Variants in CYBA observed in about 807,000 individuals in gnomAD.
The protein encoded by CYBA is cytochrome b-245 light chain.
A neutral mutation model predicts 20.8 loss-of-function variants in CYBA; 21 were observed. The observed-to-expected ratio is 1.01, with a 90% CI of 0.72 to 1.46. The LOEUF is 1.46. Ranked by LOEUF, CYBA falls within the 40% of genes most tolerant of loss-of-function variation. The pLI, the probability that CYBA is intolerant of heterozygous loss-of-function variation, is 0.00. For missense variants in CYBA, 344 were observed against 287.0 expected (o/e 1.20, Z -1.43); for synonymous variants, 164 against 127.5 (o/e 1.29, Z -1.93).
chr16:88,648,317 G>C (rs1469835041), intron 1 of CYBA, among the ~76,000 whole-genome samples: 1 of 152,202 alleles, frequency 6.6e-6, no homozygotes, highest in Non-Finnish European at 1.5e-5. Flanking sequence ...ACGGGCTGGC[G>C]GAGGGGGTGC....
At chr16:88,648,536 C>T (rs973964121) in intron 1 of CYBA, among the ~76,000 whole-genome samples, 3 of 151,950 alleles carry the variant, frequency 2.0e-5, no homozygotes, top group African/African-American at 4.8e-5. Context: ...AACCCGTCAG[C>T]GGTTTTGCCT....
Position 88,646,758 on chromosome 16 carries a change from A to T in CYBA, c.284T>A (p.Leu95His). Residue 95 changes from leucine to histidine, a missense_variant, in exon 4 of 6, where the codon CTC becomes CAC. Transcript: ENST00000261623. ...RNYYVRAVLH[L>H]LLSVPAGFLL... ...GGGGTGCGGGACGGGGACTCACAGGAGATGCAGGACGGCCCGAACATAGTA... is the reference window on the plus strand; with the variant it reads ...GGGGTGCGGGACGGGGACTCACAGGTGATGCAGGACGGCCCGAACATAGTA... 1 of 1,613,508 alleles carries T rather than the reference A, an allele frequency of 6.2e-7. No individual in the cohort carries two copies. Among genetic ancestry groups the T allele is most frequent in the Non-Finnish European group, 8.5e-7 (1 of 1,179,612 alleles).
At chr16:88,650,040 C>G in intron 1 of CYBA, among the ~76,000 whole-genome samples, 1 of 152,188 alleles carries the variant, frequency 6.6e-6, no homozygotes, top group East Asian at 1.9e-4. Flanking sequence ...CCAGCCCTCC[C>G]ACCCTGAGGT....
chr16:88,643,693 T>C lies in CYBA; in HGVS notation c.370-122A>G. ...GCTCAAGTCTGAATCCCACGCAGGA[T>C]GGTGTGACTGCCACTCAGAGAGGTT... On this transcript the variant is annotated intron_variant, in intron 5 of 5. Coordinates refer to ENST00000261623, the MANE Select transcript of CYBA (RefSeq NM_000101.4). The surrounding 1 kb of genome is among the most constrained non-coding windows in gnomAD (Gnocchi z 4.3). 6 of 922,688 alleles carry C rather than the reference T, an allele frequency of 6.5e-6. No homozygotes were observed. Among genetic ancestry groups the C allele is most frequent in the Non-Finnish European group, 9.9e-6 (6 of 608,996 alleles). The allele number at this position is 922,688 out of a possible 1,614,324, so 57.2% of individuals were successfully genotyped here.
chr16:88,649,808 G>C (rs1907437232), intron 1 of CYBA, among the ~76,000 whole-genome samples: 1 of 152,248 alleles, frequency 6.6e-6, no homozygotes, highest in Non-Finnish European at 1.5e-5. Context: ...GGAGCCCCTG[G>C]AGGGTTTCAG....
At chr16:88,646,901 G>C (rs1907308197) in intron 3 of CYBA, 63 bp from the exon 4 acceptor site, 1 of 1,432,330 alleles carries the variant, frequency 7.0e-7, no homozygotes, top group Non-Finnish European at 9.8e-7. Context: ...CTCCTTTGCT[G>C]CCCTGCTGAC....
In CYBA at chr16:88,646,216, G is replaced by C. The variant is rs1473498025; in HGVS notation, c.288-19C>G. On this transcript the variant is annotated intron_variant, in intron 4 of 5. Transcript: ENST00000261623. ...CGAGAGCCTGGGGGACAGCGGGTGA[G>C]AGGCAGGGACACAGAAGGGCACTCA... The C allele has an allele frequency of 5.9e-6, 8 of 1,350,230 alleles. No homozygotes were observed. Among genetic ancestry groups the C allele is most frequent in the Non-Finnish European group, 7.7e-6 (8 of 1,043,930 alleles). The allele number at this position is 1,350,230 out of a possible 1,614,324, so 83.6% of individuals were successfully genotyped here.
intron 5 of CYBA, among the ~76,000 whole-genome samples, chr16:88,644,044 G>A (rs1907188747): frequency 6.6e-6 from 1 of 152,216 alleles, no homozygotes. Context: ...GGTGGTGGGG[G>A]GAGAGCTTGA....
chr16:88,645,567 G>T (rs1907247280), intron 5 of CYBA: 1 of 629,760 alleles, frequency 1.6e-6, no homozygotes. Flanking sequence ...GCCTGGCCAG[G>T]CTGCGCCCTG....
chr16:88,645,515 C>T, intron 5 of CYBA: 1 of 676,756 alleles, frequency 1.5e-6, no homozygotes, highest in Middle Eastern at 2.4e-4. Flanking sequence ...CTGCAGCCGT[C>T]TGTTCCGGAG....
intron 1 of CYBA, among the ~76,000 whole-genome samples, chr16:88,648,409 A>C (rs1351144454): frequency 6.7e-6 from 1 of 150,090 alleles, no homozygotes; most frequent in Non-Finnish European, 1.5e-5. Context: ...GGACCCCCAA[A>C]TGGACCCCCT....
At chr16:88,646,625 A>G (rs1459030821) in intron 4 of CYBA, 130 bp downstream of exon 4, 1 of 844,736 alleles carries the variant, frequency 1.2e-6, no homozygotes, top group South Asian at 1.3e-5. Context: ...AGGGACCCGA[A>G]TTTTTGTTTG....
chr16:88,645,678 G>T, intron 5 of CYBA: 1 of 569,214 alleles, frequency 1.8e-6, no homozygotes, highest in South Asian at 2.1e-5. Flanking sequence ...CGCAGGTGTC[G>T]GCAGTTTAAG....
At chr16:88,647,637 C>T (rs1270549906) in intron 2 of CYBA, 1 of 375,644 alleles carries the variant, frequency 2.7e-6, no homozygotes, top group East Asian at 6.4e-5. Flanking sequence ...CGCCCTCCCT[C>T]CCACCACCCT....
intron 2 of CYBA, 96 bp downstream of exon 2, chr16:88,647,949 G>C (rs946733866): frequency 8.2e-7 from 1 of 1,215,934 alleles, no homozygotes; most frequent in African/African-American, 1.5e-5. Context: ...CCTGGCTGCG[G>C]TGGTGGGGAG....
intron 1 of CYBA, among the ~76,000 whole-genome samples, chr16:88,649,742 G>A (rs976837777): frequency 2.0e-5 from 3 of 152,200 alleles, no homozygotes; most frequent in East Asian, 1.9e-4. Flanking sequence ...CCGGAGAGCC[G>A]GGAGGCCAGG....
intron 1 of CYBA, among the ~76,000 whole-genome samples, chr16:88,649,793 G>A (rs1309935887): frequency 6.6e-6 from 1 of 152,202 alleles, no homozygotes; most frequent in Non-Finnish European, 1.5e-5. Flanking sequence ...TAACTCTTCG[G>A]GCCAGGAGCC....
intron 5 of CYBA, chr16:88,645,815 G>A: frequency 1.8e-6 from 1 of 552,450 alleles, no homozygotes. Flanking sequence ...GCCAGTCACA[G>A]CACCTCCCTG....
At chr16:88,649,208 A>G (rs1399814831) in intron 1 of CYBA, among the ~76,000 whole-genome samples, 5 of 152,184 alleles carry the variant, frequency 3.3e-5, no homozygotes, top group Admixed American at 6.5e-5. Context: ...AAGTGCTAGG[A>G]TTACAGGTGT....
Sources: allele counts gnomAD v4.1 joint callset (sites outside exome capture counted in the v4.1 genomes callset), GRCh38; gene constraint gnomAD v4.1.1; non-coding constraint Gnocchi (gnomAD v3.1); transcripts MANE v1.5; gene names NCBI Gene and HGNC (gene_info 2026-07-23, HGNC 2026-07-21).